Variants in ADK observed in about 807,000 individuals in gnomAD.
ADK encodes the protein N6,N6-dimethyladenosine kinase.
Under a neutral mutation model 44.7 loss-of-function variants are expected in ADK, and 24 were observed. The observed-to-expected ratio is 0.54, with a 90% CI of 0.39 to 0.76. The LOEUF (loss-of-function observed/expected upper bound fraction) is 0.76, where lower values mean the gene tolerates loss of function less well. ADK is among the 30% of genes least tolerant of loss of function. ADK has a pLI of 0.00. For synonymous variants in ADK, 128 were observed against 142.6 expected, an observed-to-expected ratio of 0.90 and a Z score of 0.73; for missense variants, 321 against 425.1, an observed-to-expected ratio of 0.76 and a Z score of 2.15.
At chr10:74,618,050 G>A (rs1374901446) in intron 9 of ADK, among the ~76,000 whole-genome samples, 1 of 151,588 alleles carries the variant, frequency 6.6e-6, no homozygotes, top group East Asian at 1.9e-4. Context: ...ATTGGTTAGT[G>A]TTTACATGAT....
intron 7 of ADK, among the ~76,000 whole-genome samples, chr10:74,579,580 G>T (rs1485428974): frequency 6.6e-6 from 1 of 152,180 alleles, no homozygotes; most frequent in Non-Finnish European, 1.5e-5. Context: ...ATAGCATTCT[G>T]CCTAGATAGC....
chr10:74,512,577 G>A (rs894302866), intron 6 of ADK, among the ~76,000 whole-genome samples: 8 of 151,468 alleles, frequency 5.3e-5, no homozygotes, highest in South Asian at 2.1e-4. Flanking sequence ...AGTTGTTCAC[G>A]GTAGTCTCTA....
At chr10:74,331,038 C>G (rs1031326349) in intron 4 of ADK, among the ~76,000 whole-genome samples, 2 of 152,012 alleles carry the variant, frequency 1.3e-5, no homozygotes, top group Admixed American at 1.3e-4. Context: ...TCTATTTGAA[C>G]TTTTTTCTTT....
At chr10:74,534,776 G>A (rs988863623) in intron 7 of ADK, among the ~76,000 whole-genome samples, 1 of 152,120 alleles carries the variant, frequency 6.6e-6, no homozygotes, top group African/African-American at 2.4e-5. Context: ...ATTCATTCCT[G>A]TTAAAACATA....
chr10:74,466,608 C>T (rs1846367899), intron 6 of ADK, among the ~76,000 whole-genome samples: 1 of 152,114 alleles, frequency 6.6e-6, no homozygotes, highest in African/African-American at 2.4e-5. Flanking sequence ...CCATAAATAC[C>T]TAATGGAAAA....
rs148750630 is a variant in ADK, at chr10:74,661,954, A to C, written c.878-8229A>C. Among the ~76,000 whole-genome samples, 22 of 152,224 alleles carry C rather than the reference A, an allele frequency of 1.4e-4. 1 individual carries two copies. The highest frequency in any genetic ancestry group is 7.2e-5 in the African/African-American group (3 of 41,456). Reference sequence around the variant, plus strand: ...CCCCCAGAGGATCTAACAGAGTATCATAACTATTGTTCTATGAGATCTAAT... The same window carrying C: ...CCCCCAGAGGATCTAACAGAGTATCCTAACTATTGTTCTATGAGATCTAAT... On this transcript the variant is annotated intron_variant, in intron 9 of 10. Coordinates refer to ENST00000539909, the MANE Select transcript of ADK (RefSeq NM_006721.4).
intron 4 of ADK, among the ~76,000 whole-genome samples, chr10:74,380,618 T>A (rs957974446): frequency 4.0e-5 from 6 of 151,868 alleles, no homozygotes; most frequent in Non-Finnish European, 8.8e-5. Flanking sequence ...ATTAGCTGGG[T>A]GTGGTGGCAT....
At chr10:74,607,644 C>G (rs1347955441) in intron 9 of ADK, among the ~76,000 whole-genome samples, 2 of 152,200 alleles carry the variant, frequency 1.3e-5, no homozygotes, top group Non-Finnish European at 2.9e-5. Context: ...CCCAACCTTT[C>G]TCTCTGGCTG....
At chr10:74,285,733 T>C (rs1036610557) in intron 3 of ADK, among the ~76,000 whole-genome samples, 5 of 151,888 alleles carry the variant, frequency 3.3e-5, no homozygotes, top group African/African-American at 1.2e-4. Flanking sequence ...ATAGTCCAAA[T>C]AAGAAATCAG....
At chr10:74,348,627 C>G (rs1446811327) in intron 4 of ADK, among the ~76,000 whole-genome samples, 1 of 151,282 alleles carries the variant, frequency 6.6e-6, no homozygotes, top group African/African-American at 2.4e-5. Context: ...GCTGAAGGAC[C>G]ATGTTCTAAC....
intron 9 of ADK, among the ~76,000 whole-genome samples, chr10:74,646,981 A>T (rs912661746): frequency 2.6e-5 from 4 of 152,188 alleles, no homozygotes; most frequent in Non-Finnish European, 4.4e-5. Context: ...ATTACACTTG[A>T]AATATTTTAA....
chr10:74,311,547 G>C (rs2131794520), intron 3 of ADK, among the ~76,000 whole-genome samples: 1 of 152,148 alleles, frequency 6.6e-6, no homozygotes, highest in Admixed American at 6.5e-5. Context: ...GAAAAAAATT[G>C]TCCTTATTCA....
At chr10:74,627,012 T>C (rs748484277) in intron 9 of ADK, among the ~76,000 whole-genome samples, 1 of 152,234 alleles carries the variant, frequency 6.6e-6, no homozygotes, top group African/African-American at 2.4e-5. Flanking sequence ...GATCATTACA[T>C]GATTACTATG....
chr10:74,260,628 C>T (rs1846007940), intron 3 of ADK, among the ~76,000 whole-genome samples: 1 of 152,132 alleles, frequency 6.6e-6, no homozygotes, highest in Non-Finnish European at 1.5e-5. Context: ...CCACTTCTAC[C>T]TTTTCTCCAT....
chr10:74,483,682 A>G (rs1173285941), intron 6 of ADK, among the ~76,000 whole-genome samples: 2 of 152,190 alleles, frequency 1.3e-5, no homozygotes, highest in Non-Finnish European at 2.9e-5. Context: ...TACATCTTGA[A>G]TGTTTTGCTG....
At chr10:74,488,290 A>T (rs577364586) in intron 6 of ADK, among the ~76,000 whole-genome samples, 2 of 151,766 alleles carry the variant, frequency 1.3e-5, no homozygotes, top group Non-Finnish European at 2.9e-5. Context: ...GTGCTTATAT[A>T]GGAAAATCTC....
At chr10:74,655,845 C>T (rs1199343085) in intron 9 of ADK, 1 of 542,624 alleles carries the variant, frequency 1.8e-6, no homozygotes, top group East Asian at 4.0e-5. Context: ...ACTCATCAAG[C>T]AGGAGAACGA....
At chr10:74,543,055 C>T in intron 7 of ADK, among the ~76,000 whole-genome samples, 1 of 151,986 alleles carries the variant, frequency 6.6e-6, no homozygotes, top group East Asian at 1.9e-4. Context: ...TGCCTGCCAC[C>T]ACCCACGGTT....
At chr10:74,225,645 A>G (rs1844506005) in intron 3 of ADK, among the ~76,000 whole-genome samples, 1 of 152,220 alleles carries the variant, frequency 6.6e-6, no homozygotes, top group South Asian at 2.1e-4. Context: ...ACCAATGTTC[A>G]GGGAAAGGAT....
Sources: gnomAD v4.1 joint callset for allele counts (sites outside exome capture counted in the v4.1 genomes callset) on GRCh38, gnomAD v4.1.1 for gene constraint, MANE v1.5 for transcripts, NCBI Gene and HGNC (gene_info 2026-07-23, HGNC 2026-07-21) for gene names.